MAP7: variants seen among roughly 807,000 people sequenced by gnomAD.
The protein encoded by MAP7 is microtubule associated protein 7, also known as ensconsin.
In MAP7, 52 loss-of-function variants were observed where a neutral mutation model predicts 94.8. That is an observed-to-expected ratio of 0.55 (90% CI 0.44 to 0.69). MAP7 has a LOEUF of 0.69. Among genes scored for constraint, MAP7 ranks in the 30% least tolerant of loss-of-function variants. The pLI, the probability that MAP7 is intolerant of heterozygous loss-of-function variation, is 0.00. For missense variants in MAP7, 940 were observed against 964.6 expected, an observed-to-expected ratio of 0.97 and a Z score of 0.34; for synonymous variants, 350 against 357.0, an observed-to-expected ratio of 0.98 and a Z score of 0.22.
chr6:136,399,350 T>C (rs1330544667), intron 3 of MAP7, among the ~76,000 whole-genome samples: 1 of 152,186 alleles, frequency 6.6e-6, no homozygotes, highest in Non-Finnish European at 1.5e-5. Flanking sequence ...TCCTTTTCTT[T>C]TTCTTTTTTG....
chr6:136,493,049 T>A (rs1407810229), intron 1 of MAP7, among the ~76,000 whole-genome samples: 3 of 151,458 alleles, frequency 2.0e-5, no homozygotes, highest in South Asian at 4.2e-4. Context: ...TACTTAATAG[T>A]GCCAAGAAAT....
intron 3 of MAP7, among the ~76,000 whole-genome samples, chr6:136,396,692 T>C (rs1782591132): frequency 6.6e-6 from 1 of 152,174 alleles, no homozygotes; most frequent in African/African-American, 2.4e-5. Flanking sequence ...CCATAACTGT[T>C]TGGTCCTGGG....
At chr6:136,413,291 G>A (rs904304098) in intron 2 of MAP7, among the ~76,000 whole-genome samples, 1 of 152,196 alleles carries the variant, frequency 6.6e-6, no homozygotes, top group Non-Finnish European at 1.5e-5. Flanking sequence ...CACTTTGGGA[G>A]GTGGGTGGTT....
In MAP7 at chr6:136,448,944, C is replaced by G. The variant is rs1296014455; in HGVS notation, c.68-27145G>C. ...CCCCATCCATCAGCGCATCTGTTCC[C>G]CCACTTAAAGCATGCCTACATACAA... On this transcript the variant is annotated intron_variant, in intron 1 of 17. Coordinates refer to ENST00000354570, the MANE Select transcript of MAP7 (RefSeq NM_003980.6). Among the ~76,000 whole-genome samples, 6 of 151,616 alleles carry G rather than the reference C, an allele frequency of 4.0e-5. No individual in the cohort carries two copies. In the East Asian group the frequency reaches 7.7e-4, roughly 20 times the overall value.
rs1800770798 is a variant in MAP7, at chr6:136,450,502, TATC to T, written c.68-28706_68-28704del. Among the ~76,000 whole-genome samples, 3 of 152,132 alleles carry T rather than the reference TATC, an allele frequency of 2.0e-5. No homozygotes were observed. The South Asian group carries it at 6.2e-4, about 31-fold the overall frequency. ...AAAATAACTATCTCAAATATTAAAT[TATC>T]ATTTCTTTAAAAGGACTTTTTAAGA... On this transcript the variant is annotated intron_variant, in intron 1 of 17. Coordinates refer to ENST00000354570, the MANE Select transcript of MAP7 (RefSeq NM_003980.6).
chr6:136,361,117 T>C lies in MAP7; in HGVS notation c.1589A>G (p.Glu530Gly), dbSNP rs1215601995. 1.9e-6 allele frequency: 3 copies of C among 1,601,682 alleles called. No individual in the cohort carries two copies. Among genetic ancestry groups the C allele is most frequent in the Non-Finnish European group, 2.6e-6 (3 of 1,176,242 alleles). Residue 530 changes from glutamate (E) to glycine (G), a missense_variant, in exon 12 of 18, where the codon GAG (glutamate) becomes GGG (glycine). Transcript: ENST00000354570. The part of the protein sequence containing the change: ...AEERTTRREE[E>G]SRRLEAEQAR... ...CTGCTCGGCTTCCAGCCTGCGCGAC[T>C]CCTCCTCACGGCGAGTCGTCCTCTC... is the stretch of plus-strand genomic sequence containing the variant.
chr6:136,451,182 A>C (rs938214269), intron 1 of MAP7, among the ~76,000 whole-genome samples: 2 of 152,184 alleles, frequency 1.3e-5, no homozygotes, highest in East Asian at 1.9e-4. Context: ...CCTTGTTTAG[A>C]TATTTCCTGA....
Position 136,544,867 on chromosome 6 carries a change from G to A in MAP7, c.67+5475C>T, listed in dbSNP as rs1829599078. Among the ~76,000 whole-genome samples, 3 of 152,088 alleles carry A rather than the reference G, an allele frequency of 2.0e-5. No homozygotes were observed. The South Asian group carries it at 6.2e-4, about 32-fold the overall frequency. ...CCCAGCTACTCGAACAGCTAAGCCGGGAGGATCACTTGAGCCCAGGAGTTC... is the reference window on the plus strand; with the variant it reads ...CCCAGCTACTCGAACAGCTAAGCCGAGAGGATCACTTGAGCCCAGGAGTTC... On this transcript the variant is annotated intron_variant, in intron 1 of 17. Coordinates refer to ENST00000354570, the MANE Select transcript of MAP7 (RefSeq NM_003980.6).
intron 2 of MAP7, chr6:136,420,163 A>G (rs945792123): frequency 1.8e-5 from 17 of 932,708 alleles, no homozygotes; most frequent in Non-Finnish European, 2.9e-5. Context: ...CACCATCTTC[A>G]TTGTTATCTG....
intron 2 of MAP7, chr6:136,420,321 C>T (rs1016726196): frequency 1.4e-6 from 1 of 727,836 alleles, no homozygotes; most frequent in Admixed American, 1.9e-5. Context: ...GTGACCAACA[C>T]CACCCGCTTG....
intron 1 of MAP7, among the ~76,000 whole-genome samples, chr6:136,481,515 AAGAC>A (rs1464851595): frequency 1.3e-5 from 2 of 152,218 alleles, no homozygotes; most frequent in African/African-American, 2.4e-5. Context: ...GAGGGACAAA[AAGAC>A]AGACTTTGTG....
rs796432141 is a variant in MAP7, at chr6:136,439,776, CT to C, written c.68-17978del. 5.3e-5 allele frequency among the ~76,000 whole-genome samples: 8 copies of C among 150,060 alleles called. No homozygotes were observed. In the East Asian group the frequency reaches 9.7e-4, roughly 18 times the overall value. On this transcript the variant is annotated intron_variant, in intron 1 of 17. Coordinates refer to ENST00000354570, the MANE Select transcript of MAP7 (RefSeq NM_003980.6). ...TTAATAATTAAGCAAAGATAAGCAA[CT>C]TTTTTTTTTCCTTTAAGAGTAAAGG...
intron 1 of MAP7, among the ~76,000 whole-genome samples, chr6:136,519,325 T>C (rs1337962244): frequency 6.6e-6 from 1 of 152,160 alleles, no homozygotes; most frequent in East Asian, 1.9e-4. Context: ...TTTGCCTCCC[T>C]AGCTGTTAAA....
chr6:136,366,876 C>T (rs879433669), intron 8 of MAP7, among the ~76,000 whole-genome samples: 12 of 151,978 alleles, frequency 7.9e-5, no homozygotes, highest in African/African-American at 2.9e-4. Context: ...CACACTATAT[C>T]TCAGTCTTTA....
intron 3 of MAP7, 47 bp from the exon 4 acceptor site, chr6:136,389,564 G>C (rs757004867): frequency 1.3e-6 from 2 of 1,575,590 alleles, no homozygotes; most frequent in East Asian, 4.5e-5. Flanking sequence ...ATCAAATATA[G>C]GCAGGTTGCA....
intron 1 of MAP7, among the ~76,000 whole-genome samples, chr6:136,524,518 AAGTCACCCTCC>A (rs1168545401): frequency 6.6e-6 from 1 of 152,204 alleles, no homozygotes; most frequent in Non-Finnish European, 1.5e-5. Context: ...GAATCACATT[AAGTCACCCTCC>A]AGTCATAGCA....
At chr6:136,492,532 T>C (rs896827007) in intron 1 of MAP7, among the ~76,000 whole-genome samples, 19 of 152,176 alleles carry the variant, frequency 1.2e-4, no homozygotes, top group African/African-American at 4.6e-4. Flanking sequence ...CTTTGGGAGT[T>C]TGGGAAAAAG....
At chr6:136,364,400 G>A (rs567783399) in intron 10 of MAP7, 8 of 347,488 alleles carry the variant, frequency 2.3e-5, no homozygotes, top group Non-Finnish European at 4.4e-5. Flanking sequence ...AGAAGAAATA[G>A]AAGCAAAGAA....
At chr6:136,524,243 CA>C (rs991652768) in intron 1 of MAP7, among the ~76,000 whole-genome samples, 2 of 150,864 alleles carry the variant, frequency 1.3e-5, no homozygotes, top group Admixed American at 6.6e-5. Flanking sequence ...GACTCCATCT[CA>C]AAAAAAAGAA....
Sources: allele counts gnomAD v4.1 joint callset (sites outside exome capture counted in the v4.1 genomes callset), GRCh38; gene constraint gnomAD v4.1.1; transcripts MANE v1.5; gene names NCBI Gene and HGNC (gene_info 2026-07-23, HGNC 2026-07-21).